Variants in LIPG observed in about 807,000 individuals in gnomAD.
LIPG encodes the protein endothelial lipase.
In LIPG, 34 loss-of-function variants were observed where a neutral mutation model predicts 51.8. The observed-to-expected ratio is 0.66, with a 90% confidence interval of 0.50 to 0.87. LIPG has a LOEUF of 0.87. Ranked by LOEUF, LIPG falls within the 40% of genes least tolerant of loss-of-function variation. The pLI is 0.00. For missense variants in LIPG, 580 were observed against 652.7 expected (o/e 0.89, Z 1.21); for synonymous variants, 246 against 246.1 (o/e 1.00, Z 0.00).
intron 9 of LIPG, among the ~76,000 whole-genome samples, chr18:49,587,899 C>G (rs905329485): frequency 9.2e-5 from 14 of 152,000 alleles, no homozygotes; most frequent in Non-Finnish European, 1.8e-4. Context: ...GGTGATCCTT[C>G]CGCCTTTGCC....
At chr18:49,576,210 T>A (rs1187163679) in intron 5 of LIPG, among the ~76,000 whole-genome samples, 3 of 152,102 alleles carry the variant, frequency 2.0e-5, no homozygotes, top group Non-Finnish European at 4.4e-5. Context: ...TAGACTTGAA[T>A]AAAGCAAAAG....
At chr18:49,567,366 C>A in intron 2 of LIPG, 76 bp from the exon 3 acceptor site, 1 of 1,426,210 alleles carries the variant, frequency 7.0e-7, no homozygotes, top group South Asian at 1.2e-5. Flanking sequence ...GGAAGAGGGT[C>A]ATATAGAAAG....
At position 49,567,591 on chromosome 18, in the gene LIPG, C is replaced by G. The variant is rs1223108521; in HGVS notation, c.429C>G (p.His143Gln). The change falls in exon 3 of 10, where the codon CAC becomes CAG. Residue 143 changes from histidine (H) to glutamine (Q), a missense_variant. By Grantham distance (24) the His-to-Gln change is conservative (BLOSUM62 0). Transcript: ENST00000261292. ...TCAATAATACCAGGGTGGTGGGACA[C>G]AGCATTGCCAGGATGCTCGACTGGC... ...DAVNNTRVVGHSIARMLDWLQ... is the reference protein window; with the variant it reads ...DAVNNTRVVGQSIARMLDWLQ... 3.7e-6 allele frequency: 6 copies of G among 1,613,950 alleles called. No homozygotes were observed. The highest frequency in any genetic ancestry group is 5.1e-6 in the Non-Finnish European group (6 of 1,180,028).
intron 5 of LIPG, among the ~76,000 whole-genome samples, chr18:49,579,788 C>CTTTTA (rs1225657147): frequency 1.2e-5 from 1 of 84,708 alleles, no homozygotes; most frequent in Non-Finnish European, 2.8e-5. Flanking sequence ...CTTTTCTTTT[C>CTTTTA]TTTTCTTTTC....
intron 5 of LIPG, among the ~76,000 whole-genome samples, chr18:49,579,773 C>CTTTTCT (rs1568533506): frequency 1.6e-5 from 1 of 63,474 alleles, no homozygotes; most frequent in African/African-American, 5.4e-5. Context: ...CCTTTCTTTT[C>CTTTTCT]TTTTCTTTTC....
At chr18:49,570,230 T>C (rs2084648949) in intron 4 of LIPG, among the ~76,000 whole-genome samples, 1 of 152,270 alleles carries the variant, frequency 6.6e-6, no homozygotes, top group East Asian at 1.9e-4. Flanking sequence ...CAACAGAAAA[T>C]TGAATTTTCC....
Position 49,581,514 on chromosome 18 carries a change from C to T in LIPG, c.893C>T (p.Thr298Ile), listed in dbSNP as rs61729805. ...AAGCCGAGTTTTGCCTTCCAGTGCACTGACTCCAATCGCTTCAAAAAGGGG... is the reference window on the plus strand; with the variant it reads ...AAGCCGAGTTTTGCCTTCCAGTGCATTGACTCCAATCGCTTCAAAAAGGGG... ...QDKPSFAFQC[T>I]DSNRFKKGIC... is the part of the protein sequence containing the mutation. The change falls in exon 6 of 10, where the codon ACT becomes ATT. Residue 298 changes from threonine to isoleucine, a missense_variant. Physicochemically the swap from Thr to Ile is moderately conservative, Grantham distance 89. Transcript: ENST00000261292. The T allele has an allele frequency of 5.9e-5, 95 of 1,614,206 alleles. No homozygotes were observed. In the South Asian group the frequency reaches 8.3e-4, roughly 14 times the overall value.
chr18:49,567,702 T>A, intron 3 of LIPG, 81 bp downstream of exon 3: 1 of 1,410,002 alleles, frequency 7.1e-7, no homozygotes, highest in African/African-American at 1.4e-5. Context: ...GTCATGCATC[T>A]GTTGCCATGA....
At chr18:49,580,386 G>C (rs528667933) in intron 5 of LIPG, among the ~76,000 whole-genome samples, 1 of 152,182 alleles carries the variant, frequency 6.6e-6, no homozygotes, top group Non-Finnish European at 1.5e-5. Flanking sequence ...TTTGTGGGCC[G>C]TATTGCCTCT....
rs371106509 is a variant in LIPG, at chr18:49,568,928, C to CA, written c.460-508dup. 6.8e-3 allele frequency among the ~76,000 whole-genome samples: 1,038 copies of CA among 152,256 alleles called. 10 individuals are homozygous for CA. Among genetic ancestry groups the CA allele is most frequent in the African/African-American group, 0.024 (991 of 41,530 alleles). ...GCCATGGGGTTACCTCCTTACCCCC[C>CA]AGATGAGTGCTCTGACAGGGGACAA... On this transcript the variant is annotated intron_variant, in intron 3 of 9. Coordinates refer to ENST00000261292, the MANE Select transcript of LIPG (RefSeq NM_006033.4).
At chr18:49,578,563 C>T (rs1204379152) in intron 5 of LIPG, among the ~76,000 whole-genome samples, 2 of 150,240 alleles carry the variant, frequency 1.3e-5, no homozygotes, top group Admixed American at 6.6e-5. Flanking sequence ...AGAGGGGCTC[C>T]TCACATCCCA....
chr18:49,582,918 A>G (rs1339505196), intron 7 of LIPG, among the ~76,000 whole-genome samples: 1 of 152,240 alleles, frequency 6.6e-6, no homozygotes, highest in Admixed American at 6.5e-5. Flanking sequence ...GCATCATGCC[A>G]AGTAATGTTG....
At chr18:49,586,954 A>G (rs2084886864) in intron 9 of LIPG, 104 bp downstream of exon 9, 1 of 830,804 alleles carries the variant, frequency 1.2e-6, no homozygotes. Flanking sequence ...AGCATGAACA[A>G]AACAGATAAA....
At chr18:49,580,547 G>T (rs2084808341) in intron 5 of LIPG, among the ~76,000 whole-genome samples, 1 of 152,174 alleles carries the variant, frequency 6.6e-6, no homozygotes, top group South Asian at 2.1e-4. Context: ...GGAGGCTGAG[G>T]CAGGAGGACT....
At chr18:49,566,007 G>A (rs142776985) in intron 2 of LIPG, among the ~76,000 whole-genome samples, 114 of 152,330 alleles carry the variant, frequency 7.5e-4, no homozygotes, top group Middle Eastern at 6.8e-3. Context: ...ACATTGAAAA[G>A]CCCATGACAA....
chr18:49,568,515 G>A, intron 3 of LIPG, among the ~76,000 whole-genome samples: 1 of 151,860 alleles, frequency 6.6e-6, no homozygotes, highest in Non-Finnish European at 1.5e-5. Context: ...CAAGTAGCTG[G>A]TTTTACAGGT....
At chr18:49,567,646 C>T in intron 3 of LIPG, 25 bp downstream of exon 3, 2 of 1,611,602 alleles carry the variant, frequency 1.2e-6, no homozygotes, top group Middle Eastern at 1.9e-4. Context: ...GAGGGAGTCT[C>T]CTGTCACCAG....
intron 9 of LIPG, among the ~76,000 whole-genome samples, chr18:49,587,353 G>A (rs1482941189): frequency 1.3e-5 from 2 of 151,540 alleles, no homozygotes; most frequent in African/African-American, 4.9e-5. Flanking sequence ...GGCGGATCAC[G>A]AGGTCAGGAG....
intron 8 of LIPG, among the ~76,000 whole-genome samples, chr18:49,585,286 C>A (rs1467337408): frequency 6.6e-6 from 1 of 152,192 alleles, no homozygotes; most frequent in East Asian, 1.9e-4. Context: ...TGGTTTCAGA[C>A]TCCTGATCTC....
Sources: gnomAD v4.1 joint callset for allele counts (sites outside exome capture counted in the v4.1 genomes callset) on GRCh38, gnomAD v4.1.1 for gene constraint, MANE v1.5 for transcripts, NCBI Gene and HGNC (gene_info 2026-07-23, HGNC 2026-07-21) for gene names.